ARHGAP17: variants seen among roughly 807,000 people sequenced by gnomAD.
ARHGAP17 encodes Rho GTPase activating protein 17.
In ARHGAP17, 57 loss-of-function variants were observed where a neutral mutation model predicts 99.5. The ratio of observed to expected loss-of-function variants is 0.57; its 90% CI spans 0.46 to 0.71. The LOEUF (loss-of-function observed/expected upper bound fraction) is 0.71, where lower values mean the gene tolerates loss of function less well. Ranked by LOEUF, ARHGAP17 falls within the 30% of genes least tolerant of loss-of-function variation. The probability of loss-of-function intolerance (pLI) is 0.00; values close to 1 mark genes in which losing one functional copy is unlikely to be tolerated. For missense variants in ARHGAP17, 1,000 were observed against 1,122.4 expected (o/e 0.89, Z 1.56); for synonymous variants, 417 against 429.6 (o/e 0.97, Z 0.36).
At chr16:24,939,338 C>A in intron 17 of ARHGAP17, 26 bp downstream of exon 17, 2 of 1,562,076 alleles carry the variant, frequency 1.3e-6, no homozygotes, top group Non-Finnish European at 1.7e-6. Context: ...CCAGCCTCCA[C>A]TGCCAGCAGA....
rs183161756 is a variant in ARHGAP17 at position 24,958,781 on chromosome 16, G to A, written c.724+890C>T. ...CCACAACACACACAGACACATGCTC[G>A]GTCTCAAAATCACAAAGTCATCCCA... On this transcript the variant is annotated intron_variant, in intron 9 of 19. Coordinates refer to ENST00000289968, the MANE Select transcript of ARHGAP17 (RefSeq NM_001006634.3). 3.9e-5 allele frequency among the ~76,000 whole-genome samples: 6 copies of A among 152,144 alleles called. No individual in the cohort carries two copies. In the East Asian group the frequency reaches 5.8e-4, roughly 15 times the overall value.
At chr16:24,986,160 T>C (rs2052864157) in intron 1 of ARHGAP17, among the ~76,000 whole-genome samples, 1 of 152,220 alleles carries the variant, frequency 6.6e-6, no homozygotes. Flanking sequence ...CAGCCATATT[T>C]GCTGGGTGCT....
intron 9 of ARHGAP17, 27 bp downstream of exon 9, chr16:24,959,644 G>A: frequency 6.2e-7 from 1 of 1,608,478 alleles, no homozygotes; most frequent in Non-Finnish European, 8.5e-7. Flanking sequence ...CAAGAAGGAA[G>A]CATCAGCCGC....
chr16:24,994,718 A>G (rs2053145187), intron 1 of ARHGAP17, among the ~76,000 whole-genome samples: 1 of 152,166 alleles, frequency 6.6e-6, no homozygotes, highest in African/African-American at 2.4e-5. Flanking sequence ...GCACCCAGGG[A>G]ACTTAAGCGA....
chr16:25,013,477 C>T (rs1421358918), intron 1 of ARHGAP17, among the ~76,000 whole-genome samples: 3 of 152,096 alleles, frequency 2.0e-5, no homozygotes, highest in African/African-American at 2.4e-5. Flanking sequence ...CAAAAATTAG[C>T]GGATGTGGTG....
rs147854026 is a variant in ARHGAP17 at position 24,954,990 on chromosome 16, T to C, written c.725-260A>G. ...AACTCAGGCTGCCCAGAAGCTGCAG[T>C]GGCACGCTGCACCTGCACCACACTT... On this transcript the variant is annotated intron_variant, in intron 9 of 19. Coordinates refer to ENST00000289968, the MANE Select transcript of ARHGAP17 (RefSeq NM_001006634.3). The C allele has an allele frequency of 9.3e-6, 4 of 431,980 alleles. No homozygotes were observed. The East Asian group carries it at 1.3e-4, about 14-fold the overall frequency. The allele number at this position is 431,980 out of a possible 1,614,324, so 26.8% of individuals were successfully genotyped here. A position where few individuals can be genotyped will look rare whatever the true frequency, so the allele number is the denominator to read the frequency against.
At chr16:24,935,385 C>CA in intron 18 of ARHGAP17, 85 bp downstream of exon 18, 1 of 1,422,486 alleles carries the variant, frequency 7.0e-7, no homozygotes, top group Non-Finnish European at 9.4e-7. Context: ...GATCTGGCCA[C>CA]AAACCTCACC....
chr16:24,959,167 G>A (rs1162820972), intron 9 of ARHGAP17, among the ~76,000 whole-genome samples: 2 of 152,232 alleles, frequency 1.3e-5, no homozygotes, highest in African/African-American at 2.4e-5. Flanking sequence ...TAAAGACAAA[G>A]GAGGAGTCTG....
At chr16:24,954,089 A>G (rs886997747) in intron 10 of ARHGAP17, among the ~76,000 whole-genome samples, 33 of 152,322 alleles carry the variant, frequency 2.2e-4, no homozygotes, top group African/African-American at 7.9e-4. Context: ...ACCTGGAGTA[A>G]ACTCCCTGCA....
At chr16:24,923,746 AAAGAG>A (rs2050773943) in intron 19 of ARHGAP17, among the ~76,000 whole-genome samples, 1 of 149,126 alleles carries the variant, frequency 6.7e-6, no homozygotes, top group South Asian at 2.1e-4. Flanking sequence ...AAAAAAAAAA[AAAGAG>A]AGAAACAGAG....
At chr16:24,996,578 T>TCC (rs903314210) in intron 1 of ARHGAP17, among the ~76,000 whole-genome samples, 4 of 152,170 alleles carry the variant, frequency 2.6e-5, no homozygotes, top group African/African-American at 9.6e-5. Flanking sequence ...GAAGGTGCCC[T>TCC]CCCTCTACCC....
intron 1 of ARHGAP17, among the ~76,000 whole-genome samples, chr16:25,006,606 T>A (rs185443520): frequency 6.6e-6 from 1 of 152,308 alleles, no homozygotes; most frequent in Admixed American, 6.5e-5. Context: ...ATGCTTCTTA[T>A]GAAGTGCCAG....
intron 1 of ARHGAP17, among the ~76,000 whole-genome samples, chr16:25,011,016 C>CA (rs969146201): frequency 1.3e-5 from 2 of 152,216 alleles, no homozygotes; most frequent in African/African-American, 4.8e-5. Context: ...AGTTGTCTCT[C>CA]AAATTTTTTT....
chr16:24,957,815 C>T lies in ARHGAP17; in HGVS notation c.724+1856G>A, dbSNP rs142733545. ...TGAAGGAGAACCAGATTAAACAGGA[C>T]GCTGTGTTCAGGTCAGGAAGGTACC... On this transcript the variant is annotated intron_variant, in intron 9 of 19. Coordinates refer to ENST00000289968, the MANE Select transcript of ARHGAP17 (RefSeq NM_001006634.3). 1.4e-4 allele frequency among the ~76,000 whole-genome samples: 22 copies of T among 152,206 alleles called. No homozygotes were observed. The East Asian group carries it at 2.9e-3, about 20-fold the overall frequency.
intron 1 of ARHGAP17, 54 bp downstream of exon 1, chr16:25,015,155 T>TCCGCCCA: frequency 9.0e-7 from 1 of 1,105,446 alleles, no homozygotes; most frequent in African/African-American, 1.8e-5. Flanking sequence ...CCCCGCGCCC[T>TCCGCCCA]CCGCCCTCCG....
chr16:24,942,006 C>T lies in ARHGAP17; in HGVS notation c.1471G>A (p.Asp491Asn). Reference sequence around the variant, plus strand: ...TCATACCTTTCCTTCTTCACCAAGTCTCCTTCCATCACCGCCATGCTAGCA... The same window carrying T: ...TCATACCTTTCCTTCTTCACCAAGTTTCCTTCCATCACCGCCATGCTAGCA... ...RPASMAVMEG[D>N]LVKKESFGVK... Residue 491 changes from aspartate (D) to asparagine (N), a missense_variant, in exon 16 of 20, where the codon GAC becomes AAC. Physicochemically the swap from Asp to Asn is conservative, Grantham distance 23. Transcript: ENST00000289968. 2 of 1,614,032 alleles carry T rather than the reference C, an allele frequency of 1.2e-6. No homozygotes were observed. Among genetic ancestry groups the T allele is most frequent in the Non-Finnish European group, 1.7e-6 (2 of 1,179,940 alleles).
At chr16:24,932,656 G>A (rs1412777671) in intron 18 of ARHGAP17, among the ~76,000 whole-genome samples, 1 of 152,110 alleles carries the variant, frequency 6.6e-6, no homozygotes, top group East Asian at 1.9e-4. Context: ...GAATAAATCT[G>A]GAAGAGTTGC....
chr16:24,967,617 G>C (rs2052226690), intron 6 of ARHGAP17, among the ~76,000 whole-genome samples: 2 of 151,992 alleles, frequency 1.3e-5, no homozygotes, highest in African/African-American at 4.8e-5. Flanking sequence ...TTCAAGACCA[G>C]CCTGGGCAAC....
rs112729628 is a variant in ARHGAP17, at chr16:24,963,927, C to T, written c.573+270G>A. Among the ~76,000 whole-genome samples the T allele has an allele frequency of 3.7e-3, 565 of 151,898 alleles. 8 individuals are homozygous for T. The highest frequency in any genetic ancestry group is 0.013 in the African/African-American group (544 of 41,440). On this transcript the variant is annotated intron_variant, in intron 7 of 19. Coordinates refer to ENST00000289968, the MANE Select transcript of ARHGAP17 (RefSeq NM_001006634.3). ...CGCTGTAATTTTATTATATGTTTTGCTATGGTTTTCTTTCCTTTTTTCTGA... is the reference window on the plus strand; with the variant it reads ...CGCTGTAATTTTATTATATGTTTTGTTATGGTTTTCTTTCCTTTTTTCTGA...
Sources: allele counts gnomAD v4.1 joint callset (sites outside exome capture counted in the v4.1 genomes callset), GRCh38; gene constraint gnomAD v4.1.1; transcripts MANE v1.5; gene names NCBI Gene and HGNC (gene_info 2026-07-23, HGNC 2026-07-21).